The following DOCK10 variants were observed in gnomAD, a reference collection of about 807,000 sequenced individuals.
The protein encoded by DOCK10 is dedicator of cytokinesis protein 10.
In DOCK10, 145 loss-of-function variants were observed where a neutral mutation model predicts 280.1. That is an observed-to-expected ratio of 0.52 (90% CI 0.45 to 0.59). The LOEUF (loss-of-function observed/expected upper bound fraction) is 0.59, where lower values mean the gene tolerates loss of function less well. Ranked by LOEUF, DOCK10 falls within the 20% of genes least tolerant of loss-of-function variation. The pLI, the probability that DOCK10 is intolerant of heterozygous loss-of-function variation, is 0.00. For missense variants in DOCK10, 2,368 were observed against 2,651.7 expected, an observed-to-expected ratio of 0.89 and a Z score of 2.35; for synonymous variants, 915 against 942.2, an observed-to-expected ratio of 0.97 and a Z score of 0.53.
chr2:224,889,504 G>C (rs1335760569), intron 4 of DOCK10, among the ~76,000 whole-genome samples: 1 of 152,212 alleles, frequency 6.6e-6, no homozygotes, highest in Non-Finnish European at 1.5e-5. Flanking sequence ...CTGCATTTAG[G>C]AAAGGTGAAT....
intron 1 of DOCK10, among the ~76,000 whole-genome samples, chr2:225,015,603 C>G (rs569544590): frequency 1.3e-5 from 2 of 152,166 alleles, no homozygotes; most frequent in East Asian, 3.9e-4. Flanking sequence ...GCAGGCAGCT[C>G]GGCCATGGCT....
intron 3 of DOCK10, among the ~76,000 whole-genome samples, chr2:224,899,677 C>T (rs1273741749): frequency 1.3e-5 from 2 of 151,812 alleles, no homozygotes; most frequent in African/African-American, 4.8e-5. Context: ...ATGGCTACTT[C>T]CAATTTTGGG....
At chr2:224,990,166 T>C (rs765811508) in intron 1 of DOCK10, among the ~76,000 whole-genome samples, 1 of 152,244 alleles carries the variant, frequency 6.6e-6, no homozygotes, top group Non-Finnish European at 1.5e-5. Flanking sequence ...GAAAATTATC[T>C]TTCATTGCTC....
chr2:225,042,384 C>A lies in DOCK10; in HGVS notation c.-10G>T. On this transcript the variant is annotated 5_prime_UTR_variant, in exon 1 of 56. Coordinates refer to ENST00000258390, the MANE Select transcript of DOCK10 (RefSeq NM_014689.3). This position sits in a 1 kb window ranked among gnomAD's most constrained non-coding sequence, Gnocchi z 5.1. Reference sequence around the variant, plus strand: ...TCCGCTCACCGGCCATCGCCGGTCACGCCAATCGCGCCGCGGGCCCGGGGC... The same window carrying A: ...TCCGCTCACCGGCCATCGCCGGTCAAGCCAATCGCGCCGCGGGCCCGGGGC... 1 of 1,243,350 alleles carries A rather than the reference C, an allele frequency of 8.0e-7. No individual in the cohort carries two copies. The highest frequency in any genetic ancestry group is 1.0e-6 in the Non-Finnish European group (1 of 992,710). The allele number at this position is 1,243,350 out of a possible 1,614,324, so 77.0% of individuals were successfully genotyped here.
intron 3 of DOCK10, among the ~76,000 whole-genome samples, chr2:224,901,716 C>T (rs755944178): frequency 6.6e-6 from 1 of 152,176 alleles, no homozygotes; most frequent in Admixed American, 6.5e-5. Flanking sequence ...GTAAAAAGTA[C>T]TACAGGTGAT....
At chr2:224,902,365 G>A (rs1331600413) in intron 3 of DOCK10, among the ~76,000 whole-genome samples, 1 of 152,134 alleles carries the variant, frequency 6.6e-6, no homozygotes, top group East Asian at 1.9e-4. Flanking sequence ...AGCATAAATG[G>A]TGTTCATTTT....
At chr2:224,999,710 G>GTTTTTT (rs1317743259) in intron 1 of DOCK10, among the ~76,000 whole-genome samples, 2 of 81,724 alleles carry the variant, frequency 2.4e-5, no homozygotes, top group African/African-American at 9.2e-5. Context: ...CACTATAATG[G>GTTTTTT]TGTTTTTTTT....
At chr2:225,032,432 C>A (rs1317906122) in intron 1 of DOCK10, among the ~76,000 whole-genome samples, 1 of 152,118 alleles carries the variant, frequency 6.6e-6, no homozygotes, top group Non-Finnish European at 1.5e-5. Context: ...GTTGGTATGC[C>A]AACAAACTTT....
rs940997687 is a variant in DOCK10, at chr2:224,768,822, C to T, written c.6444+1389G>A. 8.9e-6 allele frequency: 4 copies of T among 447,964 alleles called. No individual in the cohort carries two copies. In the East Asian group the frequency reaches 2.8e-4, roughly 32 times the overall value. 27.7% of individuals were successfully genotyped at this position (447,964 alleles called of 1,614,324 possible). A position where few individuals can be genotyped will look rare whatever the true frequency, so the allele number is the denominator to read the frequency against. ...CTGAATGGCTAGGAAGAGAGGGGTA[C>T]ACCAGAAGGCCACAGAGGACAGAGT... On this transcript the variant is annotated intron_variant, in intron 55 of 55. Coordinates refer to ENST00000258390, the MANE Select transcript of DOCK10 (RefSeq NM_014689.3).
At chr2:225,015,296 A>G (rs1377052636) in intron 1 of DOCK10, among the ~76,000 whole-genome samples, 1 of 152,200 alleles carries the variant, frequency 6.6e-6, no homozygotes, top group African/African-American at 2.4e-5. Flanking sequence ...GAATAAAGCA[A>G]CTTTGCAGTT....
At chr2:225,010,245 T>C (rs1328397103) in intron 1 of DOCK10, among the ~76,000 whole-genome samples, 1 of 152,118 alleles carries the variant, frequency 6.6e-6, no homozygotes, top group Non-Finnish European at 1.5e-5. Context: ...CAAGAACCTT[T>C]TAAGCCTTGC....
At chr2:224,999,461 T>C (rs1402186040) in intron 1 of DOCK10, among the ~76,000 whole-genome samples, 1 of 133,354 alleles carries the variant, frequency 7.5e-6, no homozygotes, top group Non-Finnish European at 1.6e-5. Flanking sequence ...CTCCCTCCCT[T>C]CCTGCCTCCC....
At position 224,853,119 on chromosome 2, in the gene DOCK10, C is replaced by T. The variant is rs745882059; in HGVS notation, c.1892G>A (p.Cys631Tyr). The change falls in exon 17 of 56, where the codon TGT (cysteine) becomes TAT (tyrosine). Residue 631 changes from cysteine to tyrosine, a missense_variant. This residue lies in a region of DOCK10 where 1,209 missense variants were observed against 1,250.9 expected (regional missense o/e 0.97). Coordinates refer to ENST00000258390, the MANE Select transcript of DOCK10 (RefSeq NM_014689.3). Reference protein sequence around the residue: ...VDNVPLEHPNCVTSSFIPVKP... With the variant: ...VDNVPLEHPNYVTSSFIPVKP... ...GACAGGGATAAAGGACGATGTTACACAATCTTAAAAAATCAGAAAATAAGA... is the reference window on the plus strand; with the variant it reads ...GACAGGGATAAAGGACGATGTTACATAATCTTAAAAAATCAGAAAATAAGA... The T allele has an allele frequency of 6.4e-7, 1 of 1,563,208 alleles. No individual in the cohort carries two copies. The highest frequency in any genetic ancestry group is 8.7e-7 in the Non-Finnish European group (1 of 1,152,496).
In DOCK10 at chr2:224,995,782, C is replaced by T. The variant is rs112891291; in HGVS notation, c.123+46470G>A. Among the ~76,000 whole-genome samples, 226 of 152,114 alleles carry T rather than the reference C, an allele frequency of 1.5e-3. 4 individuals carry two copies. Among genetic ancestry groups the T allele is most frequent in the Non-Finnish European group, 2.9e-3 (195 of 67,992 alleles). The stretch of plus-strand genomic sequence containing the variant: ...GCTGCATTTTTAACTTTTTGGTTTT[C>T]TTTGAGAAAAAGGTATTATATCAGC... On this transcript the variant is annotated intron_variant, in intron 1 of 55. Transcript: ENST00000258390.
At chr2:225,008,322 G>A (rs1190066648) in intron 1 of DOCK10, among the ~76,000 whole-genome samples, 4 of 152,182 alleles carry the variant, frequency 2.6e-5, no homozygotes, top group African/African-American at 9.7e-5. Flanking sequence ...CATTTCTTGA[G>A]TGAAGACTCT....
chr2:225,012,206 T>C (rs1299338603), intron 1 of DOCK10, among the ~76,000 whole-genome samples: 1 of 152,128 alleles, frequency 6.6e-6, no homozygotes, highest in Non-Finnish European at 1.5e-5. Context: ...TTCCACTGAG[T>C]TGGTAGCTTA....
chr2:224,775,673 G>A (rs2124996357), intron 51 of DOCK10, among the ~76,000 whole-genome samples: 1 of 152,178 alleles, frequency 6.6e-6, no homozygotes, highest in East Asian at 1.9e-4. Flanking sequence ...AGAGGGTTAT[G>A]CTCTGTTGGC....
At chr2:224,845,089 C>A (rs1696246242) in intron 21 of DOCK10, 114 bp downstream of exon 21, 1 of 1,135,674 alleles carries the variant, frequency 8.8e-7, no homozygotes, top group African/African-American at 1.6e-5. Flanking sequence ...ACACTTGATT[C>A]ATAGCTACAA....
intron 1 of DOCK10, among the ~76,000 whole-genome samples, chr2:224,943,751 TTTTTC>T (rs1703226673): frequency 6.7e-6 from 1 of 150,060 alleles, no homozygotes; most frequent in Admixed American, 6.7e-5. Flanking sequence ...TTAAGATTTT[TTTTTC>T]TTTTCTTTTT....
Sources: allele counts gnomAD v4.1 joint callset (sites outside exome capture counted in the v4.1 genomes callset), GRCh38; gene constraint gnomAD v4.1.1; regional missense constraint gnomAD v4.1.1; non-coding constraint Gnocchi (gnomAD v3.1); transcripts MANE v1.5; gene names NCBI Gene and HGNC (gene_info 2026-07-23, HGNC 2026-07-21).